CA10: variants seen among roughly 807,000 people sequenced by gnomAD.
The protein encoded by CA10 is carbonic anhydrase 10 (inactive).
In CA10, 14 loss-of-function variants were observed where a neutral mutation model predicts 44.2. That is an observed-to-expected ratio of 0.32 (90% CI 0.21 to 0.50). CA10 has a LOEUF of 0.50. CA10 is among the 20% of genes least tolerant of loss of function. The pLI is 0.99. For synonymous variants in CA10, 159 were observed against 141.6 expected (o/e 1.12, Z -0.87); for missense variants, 350 against 409.7 (o/e 0.85, Z 1.26).
At chr17:51,728,033 A>G (rs976864512) in intron 4 of CA10, among the ~76,000 whole-genome samples, 1 of 152,080 alleles carries the variant, frequency 6.6e-6, no homozygotes, top group African/African-American at 2.4e-5. Context: ...CTACAGGTGC[A>G]TGCCACCACA....
chr17:51,685,549 A>G (rs1339559406), intron 4 of CA10, among the ~76,000 whole-genome samples: 1 of 152,190 alleles, frequency 6.6e-6, no homozygotes, highest in Non-Finnish European at 1.5e-5. Flanking sequence ...CAAATCACTG[A>G]GCCTTGCAAT....
At chr17:51,776,137 A>G (rs1905809756) in intron 3 of CA10, among the ~76,000 whole-genome samples, 1 of 152,200 alleles carries the variant, frequency 6.6e-6, no homozygotes, top group Non-Finnish European at 1.5e-5. Flanking sequence ...AGGCAGGCAG[A>G]TCACCTGAGG....
intron 3 of CA10, among the ~76,000 whole-genome samples, chr17:51,797,289 C>T (rs1183289372): frequency 6.6e-6 from 1 of 152,210 alleles, no homozygotes; most frequent in Non-Finnish European, 1.5e-5. Flanking sequence ...CTGTGGACTT[C>T]CCACGGTCAG....
At chr17:51,688,584 T>C (rs1915084961) in intron 4 of CA10, among the ~76,000 whole-genome samples, 1 of 152,220 alleles carries the variant, frequency 6.6e-6, no homozygotes, top group Non-Finnish European at 1.5e-5. Flanking sequence ...CTAATATTAT[T>C]GAATGTTATT....
At chr17:52,013,225 T>A (rs1258432710) in intron 2 of CA10, among the ~76,000 whole-genome samples, 1 of 151,940 alleles carries the variant, frequency 6.6e-6, no homozygotes, top group Non-Finnish European at 1.5e-5. Context: ...AATAAATCAA[T>A]GTAGGAGTAG....
intron 3 of CA10, among the ~76,000 whole-genome samples, chr17:51,895,061 A>G (rs1897151907): frequency 6.6e-6 from 1 of 152,102 alleles, no homozygotes; most frequent in South Asian, 2.1e-4. Context: ...TATTATTCTC[A>G]TCACTGAGCC....
At chr17:51,734,472 T>C (rs1916829956) in intron 4 of CA10, among the ~76,000 whole-genome samples, 1 of 152,188 alleles carries the variant, frequency 6.6e-6, no homozygotes, top group South Asian at 2.1e-4. Flanking sequence ...TGAAAGGATG[T>C]ACTATAATAT....
At chr17:52,099,379 G>A (rs1988483126) in intron 1 of CA10, among the ~76,000 whole-genome samples, 1 of 152,208 alleles carries the variant, frequency 6.6e-6, no homozygotes, top group Non-Finnish European at 1.5e-5. Context: ...AGTGTGATAT[G>A]TAGCCTTAGT....
chr17:52,135,575 C>G (rs112353743), intron 1 of CA10, among the ~76,000 whole-genome samples: 85 of 152,292 alleles, frequency 5.6e-4, no homozygotes, highest in African/African-American at 2.0e-3. Flanking sequence ...GCTCAGCGCA[C>G]GTTCCTATTC....
At chr17:51,687,572 G>A (rs990484053) in intron 4 of CA10, among the ~76,000 whole-genome samples, 2 of 152,194 alleles carry the variant, frequency 1.3e-5, no homozygotes, top group African/African-American at 4.8e-5. Context: ...ATAGCTTATA[G>A]TGGCCATGCT....
intron 4 of CA10, among the ~76,000 whole-genome samples, chr17:51,717,658 T>C (rs867559048): frequency 7.0e-5 from 2 of 28,664 alleles, no homozygotes; most frequent in Non-Finnish European, 8.6e-5. Flanking sequence ...CATATATACG[T>C]ATATATACAT....
chr17:51,994,109 A>C (rs1382524152), intron 2 of CA10, among the ~76,000 whole-genome samples: 5 of 152,044 alleles, frequency 3.3e-5, no homozygotes, highest in African/African-American at 1.2e-4. Flanking sequence ...GGAGGCAACA[A>C]ATGGTGAATC....
chr17:51,774,406 G>A (rs1905729004), intron 3 of CA10, among the ~76,000 whole-genome samples: 1 of 151,394 alleles, frequency 6.6e-6, no homozygotes, highest in African/African-American at 2.4e-5. Flanking sequence ...ATGCTAGATT[G>A]GTGGGAGGGG....
intron 6 of CA10, 45 bp from the exon 7 acceptor site, chr17:51,636,054 G>A: frequency 7.5e-7 from 1 of 1,331,934 alleles, no homozygotes; most frequent in Non-Finnish European, 1.0e-6. Context: ...CTTGAGAAAG[G>A]GATGGTATTG....
chr17:51,956,818 C>A (rs1161402639), intron 2 of CA10, among the ~76,000 whole-genome samples: 1 of 150,894 alleles, frequency 6.6e-6, no homozygotes, highest in African/African-American at 2.4e-5. Context: ...TTTTTTTTGA[C>A]CCACACCCAA....
chr17:52,039,556 G>A (rs1346765757), intron 2 of CA10, among the ~76,000 whole-genome samples: 1 of 151,978 alleles, frequency 6.6e-6, no homozygotes, highest in African/African-American at 2.4e-5. Context: ...AAATAAATGG[G>A]TTTTAAATTA....
At chr17:52,084,380 C>T (rs1298339439) in intron 1 of CA10, among the ~76,000 whole-genome samples, 1 of 152,194 alleles carries the variant, frequency 6.6e-6, no homozygotes, top group African/African-American at 2.4e-5. Context: ...ATTTGCTGAG[C>T]ATGCACTATA....
intron 6 of CA10, among the ~76,000 whole-genome samples, chr17:51,644,591 T>C (rs182305262): frequency 4.4e-4 from 67 of 152,184 alleles, no homozygotes; most frequent in Non-Finnish European, 6.5e-4. Flanking sequence ...CTTGGGTACC[T>C]TATAAACATC....
intron 3 of CA10, among the ~76,000 whole-genome samples, chr17:51,751,802 A>G (rs929751567): frequency 1.3e-5 from 2 of 152,196 alleles, no homozygotes; most frequent in South Asian, 2.1e-4. Context: ...GAATACACCA[A>G]TGTGCCTTCT....
Sources: gnomAD v4.1 joint callset for allele counts (sites outside exome capture counted in the v4.1 genomes callset) on GRCh38, gnomAD v4.1.1 for gene constraint, MANE v1.5 for transcripts, NCBI Gene and HGNC (gene_info 2026-07-23, HGNC 2026-07-21) for gene names.